The following GPR158 variants were observed in gnomAD, a reference collection of about 807,000 sequenced individuals.
GPR158 encodes G protein-coupled receptor 158, also known as metabotropic glycine receptor.
Under a neutral mutation model 78.2 loss-of-function variants are expected in GPR158, and 30 were observed. The observed-to-expected ratio is 0.38, with a 90% CI of 0.29 to 0.52. GPR158 has a LOEUF of 0.52. GPR158 is among the 20% of genes least tolerant of loss of function. The pLI, the probability that GPR158 is intolerant of heterozygous loss-of-function variation, is 0.83. For missense variants in GPR158, 1,463 were observed against 1,523.5 expected, an observed-to-expected ratio of 0.96 and a Z score of 0.66; for synonymous variants, 581 against 591.1, an observed-to-expected ratio of 0.98 and a Z score of 0.25.
intron 4 of GPR158, among the ~76,000 whole-genome samples, chr10:25,438,204 G>A (rs990070920): frequency 6.6e-6 from 1 of 152,188 alleles, no homozygotes; most frequent in Non-Finnish European, 1.5e-5. Context: ...CTAGAGTTAG[G>A]TAGAGATTTG....
At chr10:25,190,387 C>T (rs900326666) in intron 1 of GPR158, among the ~76,000 whole-genome samples, 5 of 152,016 alleles carry the variant, frequency 3.3e-5, no homozygotes, top group African/African-American at 1.2e-4. Context: ...GGCTGGAGTG[C>T]AATGGCGTAA....
chr10:25,540,682 T>C (rs1456686125), intron 5 of GPR158, among the ~76,000 whole-genome samples: 1 of 151,366 alleles, frequency 6.6e-6, no homozygotes, highest in African/African-American at 2.4e-5. Context: ...CTCAGCAAAC[T>C]ATCACAAGGA....
chr10:25,295,525 T>G (rs958457256), intron 2 of GPR158, among the ~76,000 whole-genome samples: 5 of 152,128 alleles, frequency 3.3e-5, no homozygotes, highest in African/African-American at 9.7e-5. Flanking sequence ...GCCATTCTCC[T>G]GCCTCAGCCT....
chr10:25,296,053 G>GGA (rs537673162), intron 2 of GPR158, among the ~76,000 whole-genome samples: 3 of 138,452 alleles, frequency 2.2e-5, no homozygotes, highest in East Asian at 2.2e-4. Flanking sequence ...GGGCAGGGAG[G>GGA]AAAAAAAAAA....
intron 4 of GPR158, among the ~76,000 whole-genome samples, chr10:25,421,331 T>C (rs575607597): frequency 5.9e-5 from 9 of 152,310 alleles, no homozygotes; most frequent in Admixed American, 2.0e-4. Flanking sequence ...TACTTAGCAA[T>C]TGATGTTCCT....
intron 2 of GPR158, among the ~76,000 whole-genome samples, chr10:25,282,796 T>G (rs1179836782): frequency 6.6e-6 from 1 of 152,140 alleles, no homozygotes; most frequent in Non-Finnish European, 1.5e-5. Flanking sequence ...AATTTTTGAG[T>G]GTGTGTGCTC....
At chr10:25,510,145 G>A (rs1836064683) in intron 5 of GPR158, among the ~76,000 whole-genome samples, 1 of 152,220 alleles carries the variant, frequency 6.6e-6, no homozygotes, top group Admixed American at 6.5e-5. Context: ...TGTGGGATGA[G>A]ACATAGATCA....
chr10:25,440,419 T>TA (rs1588865566), intron 4 of GPR158, among the ~76,000 whole-genome samples: 1 of 152,336 alleles, frequency 6.6e-6, no homozygotes. Flanking sequence ...TTAATGTTTG[T>TA]AGAAACAAAA....
intron 1 of GPR158, among the ~76,000 whole-genome samples, chr10:25,202,349 A>G (rs188892028): frequency 1.3e-5 from 2 of 152,066 alleles, no homozygotes; most frequent in East Asian, 3.9e-4. Flanking sequence ...GGTGTGCTAC[A>G]CCCATTAACT....
At chr10:25,463,822 AC>A (rs1835388560) in intron 4 of GPR158, among the ~76,000 whole-genome samples, 1 of 152,030 alleles carries the variant, frequency 6.6e-6, no homozygotes, top group African/African-American at 2.4e-5. Flanking sequence ...TGTATTACTT[AC>A]AAAATTGTAT....
intron 5 of GPR158, among the ~76,000 whole-genome samples, chr10:25,530,083 TG>T (rs1307146584): frequency 6.6e-6 from 1 of 152,050 alleles, no homozygotes; most frequent in Non-Finnish European, 1.5e-5. Context: ...AGGTTGTAGG[TG>T]GGGAGGCGGG....
rs1216660074 is a variant in GPR158 at position 25,359,107 on chromosome 10, T to G, written c.1009-36804T>G. ...ATAAATTTTTATTTCTCTGCAATTTTGTCATTTTTATTTTACGACTTCTGG... is the reference window on the plus strand; with the variant it reads ...ATAAATTTTTATTTCTCTGCAATTTGGTCATTTTTATTTTACGACTTCTGG... On this transcript the variant is annotated intron_variant, in intron 2 of 10. Coordinates refer to ENST00000376351, the MANE Select transcript of GPR158 (RefSeq NM_020752.3). Among the ~76,000 whole-genome samples, 7 of 152,094 alleles carry G rather than the reference T, an allele frequency of 4.6e-5. 1 individual carries two copies. The highest frequency in any genetic ancestry group is 1.0e-4 in the Non-Finnish European group (7 of 68,000).
At chr10:25,285,066 TTG>T (rs149094801) in intron 2 of GPR158, among the ~76,000 whole-genome samples, 24 of 149,024 alleles carry the variant, frequency 1.6e-4, no homozygotes, top group Non-Finnish European at 2.1e-4. Flanking sequence ...GTTCTATTCA[TTG>T]TGTGTGTGTG....
At chr10:25,277,496 G>A (rs1854202082) in intron 2 of GPR158, among the ~76,000 whole-genome samples, 1 of 151,916 alleles carries the variant, frequency 6.6e-6, no homozygotes, top group East Asian at 1.9e-4. Context: ...GAGAGAGACA[G>A]AGCCCATCCC....
intron 4 of GPR158, among the ~76,000 whole-genome samples, chr10:25,463,436 T>C (rs137883718): frequency 3.5e-5 from 5 of 144,824 alleles, no homozygotes; most frequent in South Asian, 2.2e-4. Flanking sequence ...GATGGATGGA[T>C]GGACAGATAT....
chr10:25,241,403 TC>T (rs1466017906), intron 2 of GPR158, among the ~76,000 whole-genome samples: 15 of 144,452 alleles, frequency 1.0e-4, no homozygotes, highest in African/African-American at 3.3e-4. Context: ...TCTCTTCTCT[TC>T]TCTTCTCTTT....
At chr10:25,550,921 G>T in intron 5 of GPR158, 55 bp from the exon 6 acceptor site, 1 of 854,826 alleles carries the variant, frequency 1.2e-6, no homozygotes, top group Non-Finnish European at 2.0e-6. Flanking sequence ...ATATTGACTT[G>T]GGTCTGTGGG....
chr10:25,493,371 T>C lies in GPR158; in HGVS notation c.1404+26652T>C, dbSNP rs570751722. Among the ~76,000 whole-genome samples the C allele has an allele frequency of 3.2e-4, 48 of 152,292 alleles. 1 individual carries two copies. In the East Asian group the frequency reaches 8.9e-3, roughly 28 times the overall value. The stretch of plus-strand genomic sequence containing the variant: ...CAAGTTTATCTCTGCACCACTCAGA[T>C]AAGCCCCATGCTGCTCTTTGTAAAT... On this transcript the variant is annotated intron_variant, in intron 5 of 10. Transcript: ENST00000376351.
chr10:25,234,880 G>A (rs1853500301), intron 2 of GPR158, among the ~76,000 whole-genome samples: 1 of 152,060 alleles, frequency 6.6e-6, no homozygotes, highest in Admixed American at 6.6e-5. Context: ...TCATTTTTTT[G>A]TATATAGCAT....
Sources: gnomAD v4.1 joint callset for allele counts (sites outside exome capture counted in the v4.1 genomes callset) on GRCh38, gnomAD v4.1.1 for gene constraint, MANE v1.5 for transcripts, NCBI Gene and HGNC (gene_info 2026-07-23, HGNC 2026-07-21) for gene names.